TYW1B: variants seen among roughly 807,000 people sequenced by gnomAD.
The protein encoded by TYW1B is S-adenosyl-L-methionine-dependent tRNA 4-demethylwyosine synthase TYW1B.
Under a neutral mutation model 86.9 loss-of-function variants are expected in TYW1B, and 73 were observed. That is an observed-to-expected ratio of 0.84 (90% CI 0.70 to 1.02). The LOEUF (loss-of-function observed/expected upper bound fraction) is 1.02. TYW1B is among the 50% of genes least tolerant of loss of function. TYW1B has a pLI of 0.00. For missense variants in TYW1B, 637 were observed against 827.4 expected (o/e 0.77, Z 2.82); for synonymous variants, 248 against 292.8 (o/e 0.85, Z 1.56).
intron 7 of TYW1B, among the ~76,000 whole-genome samples, chr7:72,760,258 G>A (rs1787664581): frequency 6.6e-6 from 1 of 152,184 alleles, no homozygotes; most frequent in South Asian, 2.1e-4. Flanking sequence ...CTACAAAAAA[G>A]TGGCAGGGGT....
At chr7:72,825,562 C>T (rs1339723017) in intron 2 of TYW1B, among the ~76,000 whole-genome samples, 2 of 152,172 alleles carry the variant, frequency 1.3e-5, no homozygotes, top group African/African-American at 4.8e-5. Flanking sequence ...CACCTATAAT[C>T]CCAGCTACTC....
At chr7:72,791,815 T>C (rs1788224984) in intron 6 of TYW1B, among the ~76,000 whole-genome samples, 1 of 152,108 alleles carries the variant, frequency 6.6e-6, no homozygotes, top group Admixed American at 6.6e-5. Context: ...TTCCCAGGCA[T>C]TGCCTTGTGC....
intron 6 of TYW1B, among the ~76,000 whole-genome samples, chr7:72,782,923 T>A (rs138756458): frequency 1.5e-3 from 235 of 152,114 alleles, no homozygotes; most frequent in African/African-American, 5.1e-3. Context: ...TCTCCAGAGG[T>A]CATTTTTCTA....
At chr7:72,579,795 T>A (rs1585822286) in intron 13 of TYW1B, among the ~76,000 whole-genome samples, 1 of 152,116 alleles carries the variant, frequency 6.6e-6, no homozygotes, top group East Asian at 1.9e-4. Flanking sequence ...AGACTACAGG[T>A]ACATGTCACC....
rs145856826 is a variant in TYW1B at position 72,625,371 on chromosome 7, C to A, written c.1617+3516G>T. 1.2e-3 allele frequency among the ~76,000 whole-genome samples: 177 copies of A among 152,260 alleles called. 3 individuals are homozygous for A. The East Asian group carries it at 0.033, about 28-fold the overall frequency. On this transcript the variant is annotated intron_variant, in intron 12 of 13. Coordinates refer to ENST00000620995, the MANE Select transcript of TYW1B (RefSeq NM_001145440.3). ...CAGTGGCTCACGTCTGTAATCCCAGCACTTTGGGAGGCTAACGTAGAAGGA... is the reference window on the plus strand; with the variant it reads ...CAGTGGCTCACGTCTGTAATCCCAGAACTTTGGGAGGCTAACGTAGAAGGA...
intron 13 of TYW1B, among the ~76,000 whole-genome samples, chr7:72,581,889 T>G (rs1811161336): frequency 1.3e-5 from 2 of 151,982 alleles, no homozygotes; most frequent in South Asian, 4.2e-4. Context: ...TGCCTCAGCC[T>G]CCAGGGTAGC....
intron 11 of TYW1B, among the ~76,000 whole-genome samples, chr7:72,670,946 C>T (rs190378689): frequency 0.017 from 2,634 of 152,192 alleles, 34 homozygotes; most frequent in Admixed American, 0.037. Flanking sequence ...TTGCATAAAG[C>T]TTAATATTCC....
intron 13 of TYW1B, among the ~76,000 whole-genome samples, chr7:72,615,234 A>C (rs1368300707): frequency 6.6e-6 from 1 of 152,236 alleles, no homozygotes; most frequent in Non-Finnish European, 1.5e-5. Context: ...AATCTTACAG[A>C]CTGAAGTAAA....
At chr7:72,680,042 C>T (rs1813831736) in intron 11 of TYW1B, among the ~76,000 whole-genome samples, 1 of 152,192 alleles carries the variant, frequency 6.6e-6, no homozygotes, top group East Asian at 1.9e-4. Flanking sequence ...AGTGGGAGGA[C>T]TGCTTGAGTC....
intron 8 of TYW1B, among the ~76,000 whole-genome samples, chr7:72,739,990 G>T (rs1246466773): frequency 2.0e-5 from 3 of 148,800 alleles, no homozygotes; most frequent in Admixed American, 6.8e-5. Context: ...CCGGCACTTT[G>T]GAAGGCCAAG....
At chr7:72,698,645 CAAA>C (rs782639827) in intron 10 of TYW1B, among the ~76,000 whole-genome samples, 30 of 129,842 alleles carry the variant, frequency 2.3e-4, no homozygotes, top group Non-Finnish European at 3.0e-4. Flanking sequence ...GACTCCATCT[CAAA>C]AAAAAAAAAA....
intron 7 of TYW1B, among the ~76,000 whole-genome samples, chr7:72,748,001 T>C (rs1327375777): frequency 6.6e-6 from 1 of 152,184 alleles, no homozygotes; most frequent in East Asian, 1.9e-4. Flanking sequence ...CCGGGCACAG[T>C]GGCTCACGCC....
At chr7:72,680,768 T>C (rs567884427) in intron 11 of TYW1B, among the ~76,000 whole-genome samples, 38 of 152,106 alleles carry the variant, frequency 2.5e-4, no homozygotes, top group African/African-American at 8.0e-4. Context: ...TAAACACCAA[T>C]TACAGGATAC....
At chr7:72,739,042 CACCACTGT>C (rs1280053793) in intron 8 of TYW1B, among the ~76,000 whole-genome samples, 1 of 152,040 alleles carries the variant, frequency 6.6e-6, no homozygotes, top group Non-Finnish European at 1.5e-5. Context: ...GCTATGATTG[CACCACTGT>C]ACTCTAGCCT....
At chr7:72,607,116 T>C (rs1284942889) in intron 13 of TYW1B, among the ~76,000 whole-genome samples, 1 of 152,092 alleles carries the variant, frequency 6.6e-6, no homozygotes, top group Non-Finnish European at 1.5e-5. Context: ...AAATAGAAAG[T>C]TGGCTGGGTG....
chr7:72,631,160 A>C (rs1812477397), intron 11 of TYW1B, among the ~76,000 whole-genome samples: 1 of 143,226 alleles, frequency 7.0e-6, no homozygotes, highest in African/African-American at 2.6e-5. Context: ...CCTTAACATT[A>C]AAAAAAAAAA....
At chr7:72,750,461 A>C (rs1394789203) in intron 7 of TYW1B, among the ~76,000 whole-genome samples, 3 of 152,168 alleles carry the variant, frequency 2.0e-5, no homozygotes, top group African/African-American at 7.2e-5. Flanking sequence ...TATAGGTAAT[A>C]GATTGTTTCT....
chr7:72,647,178 GA>G (rs1480402981), intron 11 of TYW1B, among the ~76,000 whole-genome samples: 39 of 152,224 alleles, frequency 2.6e-4, no homozygotes, highest in Admixed American at 1.8e-3. Flanking sequence ...AATTGGCAAA[GA>G]TTTTTTTTAA....
chr7:72,803,026 A>G (rs1309549771), intron 5 of TYW1B, among the ~76,000 whole-genome samples: 1 of 152,182 alleles, frequency 6.6e-6, no homozygotes, highest in Non-Finnish European at 1.5e-5. Context: ...TTGAAACCTC[A>G]GGAGTTTGAA....
Sources: allele counts gnomAD v4.1 joint callset (sites outside exome capture counted in the v4.1 genomes callset), GRCh38; gene constraint gnomAD v4.1.1; transcripts MANE v1.5; gene names NCBI Gene and HGNC (gene_info 2026-07-23, HGNC 2026-07-21).